The following XPO6 variants were observed in gnomAD, a reference collection of about 807,000 sequenced individuals.
XPO6 encodes the protein exportin 6.
A neutral mutation model predicts 130.0 loss-of-function variants in XPO6; 3 were observed. The ratio of observed to expected loss-of-function variants is 0.02; its 90% CI spans 0.01 to 0.06. The LOEUF is 0.06. Ranked by LOEUF, XPO6 falls within the 10% of genes least tolerant of loss-of-function variation. The pLI, the probability that XPO6 is intolerant of heterozygous loss-of-function variation, is 1.00. For synonymous variants in XPO6, 524 were observed against 548.9 expected (o/e 0.95, Z 0.63); for missense variants, 970 against 1,393.0 (o/e 0.70, Z 4.83).
chr16:28,108,449 G>A (rs537155689), intron 17 of XPO6, among the ~76,000 whole-genome samples: 2 of 152,272 alleles, frequency 1.3e-5, no homozygotes, highest in East Asian at 3.9e-4. Flanking sequence ...TGGGAGAGCC[G>A]ACAACCCCAC....
At chr16:28,169,187 G>C (rs2141849993) in intron 5 of XPO6, among the ~76,000 whole-genome samples, 1 of 152,276 alleles carries the variant, frequency 6.6e-6, no homozygotes. Context: ...CAGTCACCCA[G>C]GGCACTCCCC....
At chr16:28,179,755 T>C (rs1399588377) in intron 2 of XPO6, among the ~76,000 whole-genome samples, 3 of 152,132 alleles carry the variant, frequency 2.0e-5, no homozygotes, top group Middle Eastern at 6.3e-3. Context: ...AAGCAATAAG[T>C]AGTCCAAGTC....
rs954282861 is a variant in XPO6, at chr16:28,101,217, G to A, written c.3276+241C>T. 6.5e-5 allele frequency: 38 copies of A among 580,746 alleles called. No individual in the cohort carries two copies. Among genetic ancestry groups the A allele is most frequent in the South Asian group, 9.6e-5 (5 of 51,982 alleles). 36.0% of individuals were successfully genotyped at this position (580,746 alleles called of 1,614,324 possible). A position where few individuals can be genotyped will look rare whatever the true frequency, so the allele number is the denominator to read the frequency against. On this transcript the variant is annotated intron_variant, in intron 23 of 23. Transcript: ENST00000304658. This position sits in a 1 kb window ranked among gnomAD's most constrained non-coding sequence, Gnocchi z 5.4. ...GGAGGGGCTGCAGAGCCAGGAACTC[G>A]GGACCTCCATGGCTGAGACTAAGAA...
chr16:28,175,369 G>A (rs1861144781), intron 4 of XPO6, among the ~76,000 whole-genome samples: 1 of 152,036 alleles, frequency 6.6e-6, no homozygotes, highest in Non-Finnish European at 1.5e-5. Context: ...AGCTCCCTAG[G>A]AAAAACTACG....
At chr16:28,111,673 C>T in intron 17 of XPO6, 144 bp downstream of exon 17, 2 of 809,160 alleles carry the variant, frequency 2.5e-6, no homozygotes, top group Middle Eastern at 2.4e-4. Context: ...ATCCCACCCC[C>T]AAGTATGACT....
intron 9 of XPO6, among the ~76,000 whole-genome samples, chr16:28,136,130 G>A (rs576722527): frequency 1.1e-4 from 16 of 152,278 alleles, no homozygotes; most frequent in African/African-American, 3.1e-4. Flanking sequence ...ACTGCCCAAG[G>A]CCACAAAGCT....
chr16:28,124,438 A>G (rs1251421119), intron 13 of XPO6, among the ~76,000 whole-genome samples: 1 of 152,184 alleles, frequency 6.6e-6, no homozygotes, highest in Non-Finnish European at 1.5e-5. Flanking sequence ...TCAGACAGAA[A>G]AACATGTCTT....
At chr16:28,162,560 ATTTT>A (rs113189417) in intron 6 of XPO6, among the ~76,000 whole-genome samples, 2 of 140,050 alleles carry the variant, frequency 1.4e-5, no homozygotes, top group Admixed American at 7.2e-5. Flanking sequence ...CATATTTGTA[ATTTT>A]TTTTTTTTTT....
At chr16:28,161,479 G>C (rs977898977) in intron 6 of XPO6, among the ~76,000 whole-genome samples, 1 of 151,610 alleles carries the variant, frequency 6.6e-6, no homozygotes, top group African/African-American at 2.4e-5. Context: ...TTATCAAGTT[G>C]ATTTATGAGG....
intron 1 of XPO6, among the ~76,000 whole-genome samples, chr16:28,199,519 C>T (rs1010493227): frequency 1.3e-5 from 2 of 151,928 alleles, no homozygotes; most frequent in African/African-American, 2.4e-5. Context: ...TCAGGTGATC[C>T]GCCTGCCTCG....
intron 9 of XPO6, 70 bp from the exon 10 acceptor site, chr16:28,135,394 A>C (rs534818381): frequency 1.6e-6 from 2 of 1,228,444 alleles, no homozygotes; most frequent in African/African-American, 1.5e-5. Flanking sequence ...TGCCTCCTGC[A>C]CTATAAAAGA....
intron 5 of XPO6, chr16:28,167,039 T>G: frequency 1.3e-6 from 1 of 742,816 alleles, no homozygotes; most frequent in African/African-American, 1.9e-5. Flanking sequence ...AAACACACGT[T>G]TCCCCAGGTT....
chr16:28,166,384 C>T, intron 6 of XPO6, 124 bp downstream of exon 6: 1 of 984,354 alleles, frequency 1.0e-6, no homozygotes, highest in East Asian at 2.6e-5. Context: ...GTCTCAAACT[C>T]TTGGCCTCTA....
At chr16:28,194,259 C>G (rs1459438832) in intron 1 of XPO6, among the ~76,000 whole-genome samples, 1 of 152,048 alleles carries the variant, frequency 6.6e-6, no homozygotes, top group Non-Finnish European at 1.5e-5. Flanking sequence ...AAAAATCCTA[C>G]ATAAAAAATT....
chr16:28,138,616 T>A (rs1475992910), intron 9 of XPO6, among the ~76,000 whole-genome samples: 2 of 152,146 alleles, frequency 1.3e-5, no homozygotes, highest in Admixed American at 1.3e-4. Flanking sequence ...CCATTCTCCT[T>A]CCTCAGCAAG....
intron 5 of XPO6, chr16:28,166,966 G>T: frequency 1.6e-6 from 1 of 625,222 alleles, no homozygotes; most frequent in Non-Finnish European, 2.0e-6. Context: ...CTTTTCTCTG[G>T]TTTCTTTGAA....
chr16:28,180,865 G>T, intron 2 of XPO6, 76 bp downstream of exon 2: 2 of 1,212,708 alleles, frequency 1.6e-6, no homozygotes, highest in Non-Finnish European at 1.2e-6. Context: ...ACCAGTCACG[G>T]CTACGAACAA....
At chr16:28,183,846 T>C (rs1455272754) in intron 1 of XPO6, among the ~76,000 whole-genome samples, 1 of 152,096 alleles carries the variant, frequency 6.6e-6, no homozygotes, top group Non-Finnish European at 1.5e-5. Context: ...GATTTCAAAA[T>C]GAAGCTATGT....
At chr16:28,202,976 A>C (rs2043975120) in intron 1 of XPO6, among the ~76,000 whole-genome samples, 1 of 152,216 alleles carries the variant, frequency 6.6e-6, no homozygotes, top group South Asian at 2.1e-4. Flanking sequence ...GAAAAGTGGT[A>C]AAGACAAAAA....
Sources: allele counts gnomAD v4.1 joint callset (sites outside exome capture counted in the v4.1 genomes callset), GRCh38; gene constraint gnomAD v4.1.1; non-coding constraint Gnocchi (gnomAD v3.1); transcripts MANE v1.5; gene names NCBI Gene and HGNC (gene_info 2026-07-23, HGNC 2026-07-21).